ZBP1: variants seen among roughly 807,000 people sequenced by gnomAD.
The protein encoded by ZBP1 is Z-DNA binding protein 1, also known as Z-DNA-binding protein 1.
Under a neutral mutation model 41.1 loss-of-function variants are expected in ZBP1, and 42 were observed. The ratio of observed to expected loss-of-function variants is 1.02; its 90% CI spans 0.80 to 1.32. ZBP1 has a LOEUF of 1.32. Among genes scored for constraint, ZBP1 ranks in the 40% most tolerant of loss-of-function variants. The probability of loss-of-function intolerance (pLI) is 0.00; values close to 1 mark genes in which losing one functional copy is unlikely to be tolerated. For missense variants in ZBP1, 562 were observed against 549.7 expected (o/e 1.02, Z -0.22); for synonymous variants, 214 against 205.2 (o/e 1.04, Z -0.37).
intron 2 of ZBP1, chr20:57,615,904 G>T (rs112140862): frequency 2.7e-5 from 14 of 528,106 alleles, no homozygotes; most frequent in Non-Finnish European, 3.7e-5. Flanking sequence ...AGCTAGAAAA[G>T]GGGGGCTGGT....
In ZBP1 at chr20:57,610,142, A is replaced by G; in HGVS notation, c.1093+7T>C. ...CACACAGGGGTCCACTCTGCCCCCT[A>G]GCTCACCTGCGTCCTCCCCTGGCTC... On this transcript the variant is annotated splice_region_variant and intron_variant, in intron 7 of 7. Transcript: ENST00000371173. This position sits in a 1 kb window ranked among gnomAD's most constrained non-coding sequence, Gnocchi z 5.5. 6.2e-7 allele frequency: 1 copy of G among 1,612,802 alleles called. No individual in the cohort carries two copies. The highest frequency in any genetic ancestry group is 8.5e-7 in the Non-Finnish European group (1 of 1,179,506).
chr20:57,608,518 T>G (rs1314513037), intron 7 of ZBP1, among the ~76,000 whole-genome samples: 1 of 152,388 alleles, frequency 6.6e-6, no homozygotes, highest in South Asian at 2.1e-4. Flanking sequence ...GCAGACAGCC[T>G]GTGCTGTGGG....
Position 57,604,527 on chromosome 20 carries a change from T to C in ZBP1, c.*46A>G. ...GAGCAGCAGGCTAGTCTCCCTAGCA[T>C]GCGCCCACCCCCAGCCTGTGTCCAA... On this transcript the variant is annotated 3_prime_UTR_variant, in exon 8 of 8. Coordinates refer to ENST00000371173, the MANE Select transcript of ZBP1 (RefSeq NM_030776.3). The C allele has an allele frequency of 1.2e-6, 2 of 1,604,188 alleles. No individual in the cohort carries two copies. Among genetic ancestry groups the C allele is most frequent in the Non-Finnish European group, 1.7e-6 (2 of 1,172,986 alleles).
rs1025438297 is a variant in ZBP1 at position 57,610,736 on chromosome 20, G to C, written c.875-369C>G. 2 of 318,498 alleles carry C rather than the reference G, an allele frequency of 6.3e-6. No individual in the cohort carries two copies. Among genetic ancestry groups the C allele is most frequent in the Non-Finnish European group, 6.0e-6 (1 of 167,552 alleles). 19.7% of individuals were successfully genotyped at this position (318,498 alleles called of 1,614,324 possible). A position where few individuals can be genotyped will look rare whatever the true frequency, so the allele number is the denominator to read the frequency against. ...GGTTGAAATCTTATGGGGGCTCCCA[G>C]CCTGGCCCCAGCTCCTGCCATCTGG... On this transcript the variant is annotated intron_variant, in intron 6 of 7. Transcript: ENST00000371173. The surrounding 1 kb of genome is among the most constrained non-coding windows in gnomAD (Gnocchi z 5.5).
intron 1 of ZBP1, chr20:57,616,880 G>C: frequency 4.4e-6 from 1 of 227,670 alleles, no homozygotes; most frequent in Non-Finnish European, 8.9e-6. Context: ...CGCCTGCCTG[G>C]GTTTACCTGA....
chr20:57,611,031 G>C (rs185968853), intron 6 of ZBP1, among the ~76,000 whole-genome samples: 2 of 152,118 alleles, frequency 1.3e-5, no homozygotes, highest in Non-Finnish European at 1.5e-5. Context: ...TTCCCAGTGT[G>C]GGGGAGGCCT....
Position 57,610,197 on chromosome 20 carries a change from G to T in ZBP1, c.1045C>A (p.Pro349Thr), listed in dbSNP as rs1600729322. The change falls in exon 7 of 8, where the codon CCA becomes ACA. Residue 349 changes from proline to threonine, a missense_variant. Physicochemically the swap from Pro to Thr is conservative, Grantham distance 38 (BLOSUM62 -1). Transcript: ENST00000371173. This position sits in a 1 kb window ranked among gnomAD's most constrained non-coding sequence, Gnocchi z 5.5. Reference sequence around the variant, plus strand: ...TCTCCAGACCCTGCGACTCCTCCTGGGCCAGCCACCCCTGGGCTGATAGAC... The same window carrying T: ...TCTCCAGACCCTGCGACTCCTCCTGTGCCAGCCACCCCTGGGCTGATAGAC... Reference protein sequence around the residue: ...KMSISPGVAGPGGVAGSGEGE... With the variant: ...KMSISPGVAGTGGVAGSGEGE... 9 of 1,614,070 alleles carry T rather than the reference G, an allele frequency of 5.6e-6. No individual in the cohort carries two copies. Among genetic ancestry groups the T allele is most frequent in the Non-Finnish European group, 7.6e-6 (9 of 1,180,010 alleles).
chr20:57,613,608 G>C lies in ZBP1; in HGVS notation c.503-278C>G, dbSNP rs564742584. Among the ~76,000 whole-genome samples the C allele has an allele frequency of 2.0e-5, 3 of 152,122 alleles. No homozygotes were observed. Among genetic ancestry groups the C allele is most frequent in the Non-Finnish European group, 4.4e-5 (3 of 68,008 alleles). ...GCCATGATTGCTGGCTGGGAGGACC[G>C]CAGGGGCCCCACACTGCTCTCCCTA... On this transcript the variant is annotated intron_variant, in intron 4 of 7. Transcript: ENST00000371173. The surrounding 1 kb of genome is among the most constrained non-coding windows in gnomAD (Gnocchi z 4.5).
chr20:57,609,111 A>G (rs528046625), intron 7 of ZBP1, among the ~76,000 whole-genome samples: 2 of 152,164 alleles, frequency 1.3e-5, no homozygotes, highest in African/African-American at 4.8e-5. Context: ...GTCACCCTCA[A>G]ACCCCTGTGG....
chr20:57,606,884 G>A (rs905096578), intron 7 of ZBP1, among the ~76,000 whole-genome samples: 6 of 152,056 alleles, frequency 3.9e-5, no homozygotes, highest in Non-Finnish European at 5.9e-5. Flanking sequence ...TGAGTGTTCC[G>A]CATCCTGGAT....
At chr20:57,609,807 C>T (rs544816610) in intron 7 of ZBP1, among the ~76,000 whole-genome samples, 6 of 152,174 alleles carry the variant, frequency 3.9e-5, no homozygotes, top group African/African-American at 1.2e-4. Flanking sequence ...ACTCCTATCT[C>T]CTGAATGCTG....
Position 57,614,995 on chromosome 20 carries a change from G to A in ZBP1, c.394C>T (p.Leu132=). ...ACATCTTTTGCTGTCCTCATTCCCA[G>A]TGCTTGGGCGATGACCAGGGCCCTC... is the stretch of plus-strand genomic sequence containing the variant. ...PQRALVIAQA[L]GMRTAKDVNR... Residue 132 remains leucine (L), a synonymous_variant, in exon 4 of 8, where the codon CTG becomes TTG. Coordinates refer to ENST00000371173, the MANE Select transcript of ZBP1 (RefSeq NM_030776.3). 1 of 1,614,206 alleles carries A rather than the reference G, an allele frequency of 6.2e-7. No individual in the cohort carries two copies. Among genetic ancestry groups the A allele is most frequent in the Non-Finnish European group, 8.5e-7 (1 of 1,180,046 alleles).
Position 57,610,286 on chromosome 20 carries a change from G to A in ZBP1, c.956C>T (p.Ala319Val). The A allele has an allele frequency of 1.9e-6, 3 of 1,614,166 alleles. No individual in the cohort carries two copies. The highest frequency in any genetic ancestry group is 2.5e-6 in the Non-Finnish European group (3 of 1,180,014). Residue 319 changes from alanine (A) to valine (V), a missense_variant, in exon 7 of 8, where the codon GCC becomes GTC. By Grantham distance (64) the Ala-to-Val change is moderately conservative. Transcript: ENST00000371173. This position sits in a 1 kb window ranked among gnomAD's most constrained non-coding sequence, Gnocchi z 5.5. ...SPGTHPEGEAAQRIHMKSCFL... is the reference protein window; with the variant it reads ...SPGTHPEGEAVQRIHMKSCFL... ...GCACGATTTCATGTGGATTCTCTGG[G>A]CGGCTTCCCCCTCAGGGTGAGTTCC...
In ZBP1 at chr20:57,604,381, T is replaced by C. The variant is rs369481545; in HGVS notation, c.*192A>G. ...CCCAAGGCAACTCCCTGTCATCTAC[T>C]CCTGGCCATCAAAAGACCTGGCCTG... On this transcript the variant is annotated 3_prime_UTR_variant, in exon 8 of 8. Transcript: ENST00000371173. The C allele has an allele frequency of 2.7e-6, 2 of 732,972 alleles. No individual in the cohort carries two copies. Among genetic ancestry groups the C allele is most frequent in the African/African-American group, 3.5e-5 (2 of 57,672 alleles). 45.4% of individuals were successfully genotyped at this position (732,972 alleles called of 1,614,324 possible). A position where few individuals can be genotyped will look rare whatever the true frequency, so the allele number is the denominator to read the frequency against.
chr20:57,610,384 G>C lies in ZBP1; in HGVS notation c.875-17C>G. 1.9e-6 allele frequency: 3 copies of C among 1,613,200 alleles called. No homozygotes were observed. Among genetic ancestry groups the C allele is most frequent in the Non-Finnish European group, 2.5e-6 (3 of 1,179,244 alleles). On this transcript the variant is annotated splice_polypyrimidine_tract_variant and intron_variant, in intron 6 of 7. Coordinates refer to ENST00000371173, the MANE Select transcript of ZBP1 (RefSeq NM_030776.3). This position sits in a 1 kb window ranked among gnomAD's most constrained non-coding sequence, Gnocchi z 5.5. ...TGGCAGAGACTGTGGGTCAAAGGGAGAGAGGCCTGGAGCCAGGAGCAGCTG... is the reference window on the plus strand; with the variant it reads ...TGGCAGAGACTGTGGGTCAAAGGGACAGAGGCCTGGAGCCAGGAGCAGCTG...
At chr20:57,607,718 C>A (rs1455057946) in intron 7 of ZBP1, among the ~76,000 whole-genome samples, 3 of 152,210 alleles carry the variant, frequency 2.0e-5, no homozygotes, top group African/African-American at 7.2e-5. Context: ...GCAACCACCA[C>A]CCTGATCAGT....
Position 57,604,457 on chromosome 20 carries a change from A to G in ZBP1, c.*116T>C. On this transcript the variant is annotated 3_prime_UTR_variant, in exon 8 of 8. Coordinates refer to ENST00000371173, the MANE Select transcript of ZBP1 (RefSeq NM_030776.3). ...CCCCCAAAACTGATTCATGCAGGTT[A>G]TGTCTGGAAGCAAGCAGGTCAAACA... The G allele has an allele frequency of 1.5e-6, 2 of 1,307,820 alleles. No individual in the cohort carries two copies. The highest frequency in any genetic ancestry group is 2.2e-6 in the Non-Finnish European group (2 of 909,438). 81.0% of individuals were successfully genotyped at this position (1,307,820 alleles called of 1,614,324 possible).
intron 3 of ZBP1, 138 bp from the exon 4 acceptor site, chr20:57,615,198 G>A (rs887157465): frequency 6.1e-6 from 6 of 975,738 alleles, no homozygotes; most frequent in Admixed American, 4.7e-5. Context: ...TCATGATAAC[G>A]GGGTCATCAT....
In ZBP1 at chr20:57,616,460, C is replaced by A. The variant is rs745985721; in HGVS notation, c.43G>T (p.Glu15Ter). 6 of 1,613,382 alleles carry A rather than the reference C, an allele frequency of 3.7e-6. No individual in the cohort carries two copies. In the South Asian group the frequency reaches 4.4e-5, roughly 12 times the overall value. The part of the protein sequence containing the change: ...PADPGREGHL[E>*]QRILQVLTEA... ...GTCAGCACCTGCAGGATTCTTTGTT[C>A]AAGGTGGCCTGGGGGAGCGAGCGGG... The change falls in exon 2 of 8, where the codon GAA becomes TAA. Residue 15 changes from glutamate to a stop codon, truncating the protein, a stop_gained. Transcript: ENST00000371173. LOFTEE classifies it high-confidence loss of function.
Sources: gnomAD v4.1 joint callset for allele counts (sites outside exome capture counted in the v4.1 genomes callset) on GRCh38, gnomAD v4.1.1 for gene constraint, Gnocchi (gnomAD v3.1) non-coding constraint, MANE v1.5 for transcripts, NCBI Gene and HGNC (gene_info 2026-07-23, HGNC 2026-07-21) for gene names.